The following TNS1 variants were observed in gnomAD, a reference collection of about 807,000 sequenced individuals.
TNS1 encodes tensin-1.
TNS1 carries 62 observed loss-of-function variants against 168.6 expected under a neutral mutation model. That is an observed-to-expected ratio of 0.37 (90% CI 0.30 to 0.45). The LOEUF (loss-of-function observed/expected upper bound fraction) is 0.45, where lower values mean the gene tolerates loss of function less well. TNS1 is among the 20% of genes least tolerant of loss of function. TNS1 has a pLI of 1.00. For synonymous variants in TNS1, 934 were observed against 933.2 expected (o/e 1.00, Z -0.02); for missense variants, 2,240 against 2,339.4 (o/e 0.96, Z 0.88).
At chr2:217,877,011 G>A (rs559131882) in intron 18 of TNS1, among the ~76,000 whole-genome samples, 1 of 152,258 alleles carries the variant, frequency 6.6e-6, no homozygotes, top group South Asian at 2.1e-4. Flanking sequence ...GGGAGTAAAG[G>A]GTCCCCAAGA....
intron 21 of TNS1, among the ~76,000 whole-genome samples, chr2:217,832,575 C>T (rs542824389): frequency 6.6e-6 from 1 of 152,352 alleles, no homozygotes; most frequent in East Asian, 1.9e-4. Flanking sequence ...CTCAGATGCC[C>T]AGGAACCACC....
At position 217,875,133 on chromosome 2, in the gene TNS1, A is replaced by G. The variant is rs551994693; in HGVS notation, c.1429+5765T>C. ...GGTGTCTTCTTCCCACAGCTGCAGC[A>G]GTGAAGGAAGCACCTACAAGATGAA... is the stretch of plus-strand genomic sequence containing the variant. On this transcript the variant is annotated intron_variant, in intron 18 of 32. Coordinates refer to ENST00000682258, the MANE Select transcript of TNS1 (RefSeq NM_001387777.1). 7.9e-5 allele frequency among the ~76,000 whole-genome samples: 12 copies of G among 152,362 alleles called. No individual in the cohort carries two copies. In the South Asian group the frequency reaches 2.3e-3, roughly 29 times the overall value.
intron 23 of TNS1, among the ~76,000 whole-genome samples, chr2:217,820,912 T>C (rs1437847915): frequency 6.6e-6 from 1 of 152,122 alleles, no homozygotes; most frequent in Non-Finnish European, 1.5e-5. Flanking sequence ...CATCCCCTAA[T>C]GGCAGGCCAC....
chr2:217,894,139 T>C (rs1952028167), intron 9 of TNS1, among the ~76,000 whole-genome samples: 1 of 152,046 alleles, frequency 6.6e-6, no homozygotes. Context: ...GCTTCGGGCC[T>C]CTCAAAATCT....
intron 12 of TNS1, among the ~76,000 whole-genome samples, chr2:217,887,365 A>G (rs1951309396): frequency 6.6e-6 from 1 of 152,016 alleles, no homozygotes; most frequent in Non-Finnish European, 1.5e-5. Flanking sequence ...CTGGAGTGCA[A>G]TGGCGCAATC....
intron 8 of TNS1, among the ~76,000 whole-genome samples, chr2:217,896,531 G>A (rs1323109831): frequency 6.6e-6 from 1 of 152,204 alleles, no homozygotes; most frequent in African/African-American, 2.4e-5. Flanking sequence ...CCGCAAGCTA[G>A]GAAAAGGCAA....
chr2:217,859,723 G>C lies in TNS1; in HGVS notation c.1430-10636C>G, dbSNP rs753204254. 9 of 1,522,704 alleles carry C rather than the reference G, an allele frequency of 5.9e-6. No homozygotes were observed. The South Asian group carries it at 7.2e-5, about 12-fold the overall frequency. The allele number at this position is 1,522,704 out of a possible 1,614,324, so 94.3% of individuals were successfully genotyped here. A position where few individuals can be genotyped will look rare whatever the true frequency, so the allele number is the denominator to read the frequency against. On this transcript the variant is annotated intron_variant, in intron 18 of 32. Coordinates refer to ENST00000682258, the MANE Select transcript of TNS1 (RefSeq NM_001387777.1). The stretch of plus-strand genomic sequence containing the variant: ...CCATCTGTGGAAATCATGAATAGCA[G>C]AGTATCACTTTTCAGAGTTCGCAAT...
At chr2:217,811,879 A>G (rs1487298457) in intron 28 of TNS1, among the ~76,000 whole-genome samples, 1 of 152,188 alleles carries the variant, frequency 6.6e-6, no homozygotes, top group Non-Finnish European at 1.5e-5. Flanking sequence ...GCATCCCCTT[A>G]GTCAGGGAAC....
rs539130485 is a variant in TNS1 at position 217,957,193 on chromosome 2, TG to T, written c.186+21571del. ...TTCCCAGAGCCCAGTGGCCCCATGG[TG>T]GCCAGCCCCTTCCGAGCCAGCCAGG... On this transcript the variant is annotated intron_variant, in intron 3 of 32. Coordinates refer to ENST00000682258, the MANE Select transcript of TNS1 (RefSeq NM_001387777.1). Among the ~76,000 whole-genome samples, 91 of 152,150 alleles carry T rather than the reference TG, an allele frequency of 6.0e-4. 1 individual carries two copies. The highest frequency in any genetic ancestry group is 2.1e-3 in the African/African-American group (88 of 41,524).
At chr2:217,865,237 T>A (rs1949167220) in intron 18 of TNS1, among the ~76,000 whole-genome samples, 2 of 152,026 alleles carry the variant, frequency 1.3e-5, no homozygotes, top group Admixed American at 1.3e-4. Flanking sequence ...GGGTGGAGGA[T>A]CTGGGTGGGT....
intron 1 of TNS1, among the ~76,000 whole-genome samples, chr2:217,993,041 T>C (rs1958406550): frequency 6.6e-6 from 1 of 152,216 alleles, no homozygotes; most frequent in Non-Finnish European, 1.5e-5. Flanking sequence ...ACTTACCACC[T>C]GTTACAGTTC....
intron 1 of TNS1, among the ~76,000 whole-genome samples, chr2:218,002,047 C>T (rs768258580): frequency 6.6e-6 from 1 of 152,216 alleles, no homozygotes; most frequent in Non-Finnish European, 1.5e-5. Context: ...CTCTCCTCCT[C>T]TGACCCCCAG....
chr2:217,926,798 C>T (rs1259212538), intron 3 of TNS1, among the ~76,000 whole-genome samples: 11 of 152,248 alleles, frequency 7.2e-5, no homozygotes, highest in Non-Finnish European at 1.5e-4. Context: ...AGGCAGTCCT[C>T]TCAACAATTC....
intron 1 of TNS1, among the ~76,000 whole-genome samples, chr2:218,026,758 C>T (rs1005589622): frequency 2.0e-5 from 3 of 152,256 alleles, no homozygotes; most frequent in Non-Finnish European, 2.9e-5. Flanking sequence ...CCCACTCTTC[C>T]CTCCTCTCCT....
At chr2:218,005,505 A>C (rs1171221475), upstream of TNS1, among the ~76,000 whole-genome samples, 1 of 151,838 alleles carries the variant, frequency 6.6e-6, no homozygotes, top group Non-Finnish European at 1.5e-5. Flanking sequence ...ATTAACCACC[A>C]TTTTCCCTGT....
intron 1 of TNS1, among the ~76,000 whole-genome samples, chr2:218,030,802 G>A (rs541731339): frequency 6.6e-6 from 1 of 152,344 alleles, no homozygotes; most frequent in Non-Finnish European, 1.5e-5. Context: ...CTATAGTGGG[G>A]CTTGAAGAAA....
At chr2:217,972,357 T>C (rs1957790916) in intron 3 of TNS1, among the ~76,000 whole-genome samples, 2 of 152,290 alleles carry the variant, frequency 1.3e-5, no homozygotes, top group East Asian at 3.9e-4. Context: ...CCCACTCAGG[T>C]ATTTCTGGTA....
At position 217,818,658 on chromosome 2, in the gene TNS1, C is replaced by A; in HGVS notation, c.3674G>T (p.Gly1225Val). The A allele has an allele frequency of 6.2e-7, 1 of 1,614,188 alleles. No homozygotes were observed. Among genetic ancestry groups the A allele is most frequent in the Non-Finnish European group, 8.5e-7 (1 of 1,180,016 alleles). ...LESGFRSGSLGQPSPSAQRNY... is the reference protein window; with the variant it reads ...LESGFRSGSLVQPSPSAQRNY... ...TCTCTGGGCAGACGGGCTGGGCTGT[C>A]CCAGGCTGCCTGAGCGGAAGCCAGA... Residue 1225 changes from glycine (G) to valine (V), a missense_variant, in exon 24 of 33, where the codon GGA becomes GTA. Around this residue, in one of 2 missense-constraint regions of TNS1, gnomAD observed 2,131 missense variants for 2,171.2 expected, o/e 0.98. Transcript: ENST00000682258.
intron 2 of TNS1, among the ~76,000 whole-genome samples, chr2:217,989,571 A>C (rs368750697): frequency 9.3e-4 from 142 of 152,186 alleles, no homozygotes; most frequent in Non-Finnish European, 1.4e-3. Context: ...TGCTGATTTC[A>C]CTGTGTGATC....
Sources: allele counts gnomAD v4.1 joint callset (sites outside exome capture counted in the v4.1 genomes callset), GRCh38; gene constraint gnomAD v4.1.1; regional missense constraint gnomAD v4.1.1; transcripts MANE v1.5; gene names NCBI Gene and HGNC (gene_info 2026-07-23, HGNC 2026-07-21).